Variants in EHBP1 observed in about 807,000 individuals in gnomAD.
The protein encoded by EHBP1 is EH domain-binding protein 1.
EHBP1 carries 55 observed loss-of-function variants against 144.0 expected under a neutral mutation model. The observed-to-expected ratio is 0.38, with a 90% CI of 0.31 to 0.48. The LOEUF is 0.48. Ranked by LOEUF, EHBP1 falls within the 20% of genes least tolerant of loss-of-function variation. The pLI, the probability that EHBP1 is intolerant of heterozygous loss-of-function variation, is 0.98. For synonymous variants in EHBP1, 469 were observed against 472.7 expected (o/e 0.99, Z 0.10); for missense variants, 1,200 against 1,364.2 (o/e 0.88, Z 1.90).
chr2:62,737,525 C>G (rs1038515160), intron 2 of EHBP1, among the ~76,000 whole-genome samples: 4 of 152,192 alleles, frequency 2.6e-5, no homozygotes, highest in Non-Finnish European at 4.4e-5. Flanking sequence ...GCTAATCTCT[C>G]TAAATTTGGG....
upstream of EHBP1, among the ~76,000 whole-genome samples, chr2:62,702,217 T>G (rs115606106): frequency 0.015 from 2,347 of 152,352 alleles, 67 homozygotes; most frequent in African/African-American, 0.054. Context: ...TTTCTTTGTA[T>G]TCTATCTTCA....
intron 2 of EHBP1, among the ~76,000 whole-genome samples, chr2:62,728,892 C>T (rs868514435): frequency 6.6e-6 from 1 of 151,836 alleles, no homozygotes; most frequent in African/African-American, 2.4e-5. Context: ...TTAACTCTTA[C>T]ATATAGTAAG....
At chr2:62,700,021 A>G (rs993474843) in intron 1 of EHBP1, among the ~76,000 whole-genome samples, 4 of 152,240 alleles carry the variant, frequency 2.6e-5, no homozygotes, top group Admixed American at 6.5e-5. Flanking sequence ...AAGCTTCATT[A>G]TGACTAACTT....
At chr2:62,809,174 C>G (rs1240503142) in intron 5 of EHBP1, among the ~76,000 whole-genome samples, 1 of 151,850 alleles carries the variant, frequency 6.6e-6, no homozygotes, top group Non-Finnish European at 1.5e-5. Context: ...GCCTGTAATC[C>G]CAGCTACTTG....
chr2:62,690,569 ATAAAT>A (rs1423434342), intron 1 of EHBP1, among the ~76,000 whole-genome samples: 1 of 152,106 alleles, frequency 6.6e-6, no homozygotes, highest in Non-Finnish European at 1.5e-5. Context: ...TCTCAAATAA[ATAAAT>A]TAATTAAATA....
intron 2 of EHBP1, among the ~76,000 whole-genome samples, chr2:62,731,050 T>G (rs2037546700): frequency 6.6e-6 from 1 of 151,510 alleles, no homozygotes; most frequent in Non-Finnish European, 1.5e-5. Context: ...TCCATCCATG[T>G]ACAGATATCT....
chr2:63,025,361 G>A (rs147513962), intron 19 of EHBP1, among the ~76,000 whole-genome samples: 16 of 152,246 alleles, frequency 1.1e-4, no homozygotes, highest in East Asian at 3.9e-4. Context: ...TGTTGGGCTC[G>A]GGCAATCCTC....
At chr2:62,966,479 T>TC in intron 14 of EHBP1, among the ~76,000 whole-genome samples, 1 of 152,276 alleles carries the variant, frequency 6.6e-6, no homozygotes, top group Non-Finnish European at 1.5e-5. Flanking sequence ...TTATACCTTT[T>TC]CCCGAGTGCT....
In EHBP1 at chr2:63,045,760, C is replaced by G; in HGVS notation, c.*260C>G. On this transcript the variant is annotated 3_prime_UTR_variant, in exon 23 of 23. Transcript: ENST00000431489. This position sits in a 1 kb window ranked among gnomAD's most constrained non-coding sequence, Gnocchi z 5.7. ...CTGTGAAATAGATTTGCACAGACAC[C>G]TTGTGAGTGATTGGTATTGGAGGTG... The G allele has an allele frequency of 2.4e-6, 1 of 418,896 alleles. No homozygotes were observed. Among genetic ancestry groups the G allele is most frequent in the South Asian group, 2.7e-5 (1 of 37,308 alleles). 25.9% of individuals were successfully genotyped at this position (418,896 alleles called of 1,614,324 possible). A position where few individuals can be genotyped will look rare whatever the true frequency, so the allele number is the denominator to read the frequency against.
chr2:62,971,068 G>C (rs1301422711), intron 14 of EHBP1, among the ~76,000 whole-genome samples: 1 of 152,162 alleles, frequency 6.6e-6, no homozygotes, highest in African/African-American at 2.4e-5. Context: ...TTTTACTAGT[G>C]CATCTATCTA....
At chr2:62,853,647 T>G (rs975557541) in intron 7 of EHBP1, among the ~76,000 whole-genome samples, 3 of 152,220 alleles carry the variant, frequency 2.0e-5, no homozygotes, top group Admixed American at 6.5e-5. Flanking sequence ...GGTTTTCAAT[T>G]GACTGCCCAG....
At chr2:62,845,469 G>C (rs769383967) in intron 7 of EHBP1, among the ~76,000 whole-genome samples, 6 of 152,142 alleles carry the variant, frequency 3.9e-5, no homozygotes, top group Non-Finnish European at 5.9e-5. Flanking sequence ...TAAGGAGCTA[G>C]AGTTGATGAT....
chr2:62,695,368 G>GA (rs990730744), intron 1 of EHBP1, among the ~76,000 whole-genome samples: 5 of 150,126 alleles, frequency 3.3e-5, no homozygotes, highest in African/African-American at 4.9e-5. Flanking sequence ...CTCAAAAAGA[G>GA]AAAAAAAAAG....
intron 1 of EHBP1, among the ~76,000 whole-genome samples, chr2:62,687,216 A>T (rs900710525): frequency 6.6e-6 from 1 of 152,204 alleles, no homozygotes; most frequent in East Asian, 1.9e-4. Context: ...TTCTATGATC[A>T]TTTCCCCTTT....
intron 1 of EHBP1, among the ~76,000 whole-genome samples, chr2:62,679,953 C>G (rs755522495): frequency 6.6e-6 from 1 of 152,164 alleles, no homozygotes; most frequent in Non-Finnish European, 1.5e-5. Context: ...TTATCTAGAG[C>G]GTACTTAGCA....
At chr2:62,870,738 C>CATATATATATATATATATAT (rs756481712) in intron 9 of EHBP1, among the ~76,000 whole-genome samples, 16 of 139,076 alleles carry the variant, frequency 1.2e-4, no homozygotes, top group African/African-American at 3.5e-4. Flanking sequence ...AAAAAAAATA[C>CATATATATATATATATATAT]ATATATATAT....
intron 10 of EHBP1, among the ~76,000 whole-genome samples, chr2:62,915,125 G>C (rs963310808): frequency 6.6e-6 from 1 of 151,726 alleles, no homozygotes; most frequent in African/African-American, 2.4e-5. Flanking sequence ...CTATGTATAC[G>C]TATGGATCTT....
chr2:62,914,657 G>T (rs2054469436), intron 10 of EHBP1, among the ~76,000 whole-genome samples: 1 of 151,934 alleles, frequency 6.6e-6, no homozygotes, highest in African/African-American at 2.4e-5. Context: ...GTAATTATTG[G>T]CTCTACTTAG....
At chr2:62,715,652 C>A (rs1158340478) in intron 2 of EHBP1, among the ~76,000 whole-genome samples, 1 of 152,066 alleles carries the variant, frequency 6.6e-6, no homozygotes, top group Non-Finnish European at 1.5e-5. Context: ...GACCTGACTT[C>A]CTCTTATCTT....
Sources: allele counts gnomAD v4.1 joint callset (sites outside exome capture counted in the v4.1 genomes callset), GRCh38; gene constraint gnomAD v4.1.1; non-coding constraint Gnocchi (gnomAD v3.1); transcripts MANE v1.5; gene names NCBI Gene and HGNC (gene_info 2026-07-23, HGNC 2026-07-21).